Variants in PARK7 observed in about 807,000 individuals in gnomAD.
The protein encoded by PARK7 is Parkinson disease protein 7.
Under a neutral mutation model 20.5 loss-of-function variants are expected in PARK7, and 14 were observed. The ratio of observed to expected loss-of-function variants is 0.68; its 90% CI spans 0.45 to 1.07. The LOEUF is 1.07. Ranked by LOEUF, PARK7 falls within the 50% of genes least tolerant of loss-of-function variation. The pLI is 0.00. For missense variants in PARK7, 234 were observed against 238.1 expected, an observed-to-expected ratio of 0.98 and a Z score of 0.11; for synonymous variants, 98 against 84.3, an observed-to-expected ratio of 1.16 and a Z score of -0.89.
rs1640301603 is a variant in PARK7 at position 7,965,345 on chromosome 1, C to G, written c.112C>G (p.Leu38Val). ...RAGIKVTVAG[L>V]AGKDPVQCSR... ...GTAGATTAAGGTCACCGTTGCAGGC[C>G]TGGCTGGAAAAGACCCAGTACAGTG... is the stretch of plus-strand genomic sequence containing the variant. Residue 38 changes from leucine to valine, a missense_variant, in exon 3 of 7, where the codon CTG becomes GTG. Coordinates refer to ENST00000338639, the MANE Select transcript of PARK7 (RefSeq NM_007262.5). 6.2e-7 allele frequency: 1 copy of G among 1,614,130 alleles called. No homozygotes were observed.
At chr1:7,973,218 ACCACTAG>A (rs777193249) in intron 5 of PARK7, among the ~76,000 whole-genome samples, 8 of 152,208 alleles carry the variant, frequency 5.3e-5, no homozygotes, top group Non-Finnish European at 1.2e-4. Context: ...TACAAGAGTC[ACCACTAG>A]CCTTTTGACC....
chr1:7,975,508 T>A (rs1291817837), intron 5 of PARK7, among the ~76,000 whole-genome samples: 1 of 152,212 alleles, frequency 6.6e-6, no homozygotes, highest in East Asian at 1.9e-4. Context: ...TGCACTGTAG[T>A]GCAGAGTACA....
chr1:7,985,011 A>C lies in PARK7; in HGVS notation c.527A>C (p.Glu176Ala), dbSNP rs1362857277. The change falls in exon 7 of 7, where the codon GAG becomes GCG. Residue 176 changes from glutamate (E) to alanine (A), a missense_variant. Coordinates refer to ENST00000338639, the MANE Select transcript of PARK7 (RefSeq NM_007262.5). Reference protein sequence around the residue: ...LAIVEALNGKEVAAQVKAPLV... With the variant: ...LAIVEALNGKAVAAQVKAPLV... The stretch of plus-strand genomic sequence containing the variant: ...ATTGTTGAAGCCCTGAATGGCAAGG[A>C]GGTGGCGGCTCAAGTGAAGGCTCCA... 6.2e-7 allele frequency: 1 copy of C among 1,614,204 alleles called. No homozygotes were observed. Among genetic ancestry groups the C allele is most frequent in the Non-Finnish European group, 8.5e-7 (1 of 1,180,042 alleles).
At position 7,962,776 on chromosome 1, in the gene PARK7, T is replaced by C; in HGVS notation, c.-10T>C. ...TTTTTTTTTAAGGCTTGTAAACATA[T>C]AACATAAAAATGGCTTCCAAAAGAG... is the stretch of plus-strand genomic sequence containing the variant. On this transcript the variant is annotated 5_prime_UTR_variant, in exon 2 of 7. Transcript: ENST00000338639. The C allele has an allele frequency of 6.9e-7, 1 of 1,442,160 alleles. No homozygotes were observed. The highest frequency in any genetic ancestry group is 9.7e-7 in the Non-Finnish European group (1 of 1,030,578). The allele number at this position is 1,442,160 out of a possible 1,614,324, so 89.3% of individuals were successfully genotyped here. A position where few individuals can be genotyped will look rare whatever the true frequency, so the allele number is the denominator to read the frequency against.
intron 4 of PARK7, among the ~76,000 whole-genome samples, 160 bp from the exon 5 acceptor site, chr1:7,970,734 T>C (rs1354646457): frequency 6.6e-6 from 1 of 152,212 alleles, no homozygotes; most frequent in East Asian, 1.9e-4. Flanking sequence ...TATAGACACA[T>C]TTTGATCATT....
At position 7,970,982 on chromosome 1, in the gene PARK7, C is replaced by T. The variant is rs1256976039; in HGVS notation, c.322+19C>T. The T allele has an allele frequency of 3.7e-6, 6 of 1,613,908 alleles. No homozygotes were observed. The highest frequency in any genetic ancestry group is 4.2e-6 in the Non-Finnish European group (5 of 1,179,900). On this transcript the variant is annotated intron_variant, in intron 5 of 6. Coordinates refer to ENST00000338639, the MANE Select transcript of PARK7 (RefSeq NM_007262.5). ...TGTGCAGGTGACGTGCAGGGGCAGC[C>T]TGTGTTGCAGCGTCATTGGTGGGTG...
intron 5 of PARK7, among the ~76,000 whole-genome samples, chr1:7,976,971 T>C (rs1640595752): frequency 1.3e-5 from 2 of 152,188 alleles, no homozygotes; most frequent in Admixed American, 1.3e-4. Flanking sequence ...CCAGCCGCCT[T>C]GGCCTCCCAA....
At chr1:7,978,996 T>C (rs927438878) in intron 6 of PARK7, among the ~76,000 whole-genome samples, 2 of 152,180 alleles carry the variant, frequency 1.3e-5, no homozygotes, top group Non-Finnish European at 2.9e-5. Context: ...TCTTATGTTA[T>C]CTTTTAACAG....
At chr1:7,969,294 C>A in intron 3 of PARK7, 51 bp from the exon 4 acceptor site, 1 of 1,423,188 alleles carries the variant, frequency 7.0e-7, no homozygotes, top group Non-Finnish European at 9.9e-7. Context: ...CAATTTAATG[C>A]ACAGTTGAAA....
At chr1:7,973,913 AAAAAAAAAAAAATC>A (rs1375446531) in intron 5 of PARK7, among the ~76,000 whole-genome samples, 1 of 149,312 alleles carries the variant, frequency 6.7e-6, no homozygotes, top group East Asian at 2.6e-4. Context: ...GTTTCAAAAA[AAAAAAAAAAAAATC>A]AACCACATTT....
chr1:7,983,961 A>G (rs1483532075), intron 6 of PARK7, among the ~76,000 whole-genome samples: 1 of 152,212 alleles, frequency 6.6e-6, no homozygotes, highest in East Asian at 1.9e-4. Context: ...ATTGTGATAG[A>G]TTGTATCAAT....
Position 7,971,452 on chromosome 1 carries a change from T to C in PARK7, c.322+489T>C, listed in dbSNP as rs936581209. The C allele has an allele frequency of 5.7e-5, 10 of 174,344 alleles. No homozygotes were observed. The South Asian group carries it at 1.3e-3, about 23-fold the overall frequency. 10.8% of individuals were successfully genotyped at this position (174,344 alleles called of 1,614,324 possible). A position where few individuals can be genotyped will look rare whatever the true frequency, so the allele number is the denominator to read the frequency against. ...GCACCGCATTATCTGCCACATAATT[T>C]AGAACAAGGACATTTGGTGCTTCGC... is the stretch of plus-strand genomic sequence containing the variant. On this transcript the variant is annotated intron_variant, in intron 5 of 6. Coordinates refer to ENST00000338639, the MANE Select transcript of PARK7 (RefSeq NM_007262.5).
rs1358053545 is a variant in PARK7, at chr1:7,984,341, C to G, written c.410-553C>G. ...TGGTATTATATTTGCCAAGAAATAG[C>G]CAACCGGCGGGCCTGGAGGTGCGGG... On this transcript the variant is annotated intron_variant, in intron 6 of 6. Transcript: ENST00000338639. The surrounding 1 kb of genome is among the most constrained non-coding windows in gnomAD (Gnocchi z 4.3). 6.6e-6 allele frequency among the ~76,000 whole-genome samples: 1 copy of G among 152,126 alleles called. No individual in the cohort carries two copies. Among genetic ancestry groups the G allele is most frequent in the Admixed American group, 6.5e-5 (1 of 15,270 alleles).
At chr1:7,973,768 C>A (rs1469933811) in intron 5 of PARK7, among the ~76,000 whole-genome samples, 1 of 151,618 alleles carries the variant, frequency 6.6e-6, no homozygotes, top group Admixed American at 6.6e-5. Context: ...ATTAGCAGGG[C>A]ATGGTGGCGC....
chr1:7,964,548 G>A (rs1472825558), intron 2 of PARK7, among the ~76,000 whole-genome samples: 1 of 152,142 alleles, frequency 6.6e-6, no homozygotes, highest in East Asian at 1.9e-4. Context: ...ACGTATTCTT[G>A]TGTAGGTTTC....
chr1:7,981,662 T>TTTG (rs1219260905), intron 6 of PARK7, among the ~76,000 whole-genome samples: 1 of 148,876 alleles, frequency 6.7e-6, no homozygotes, highest in Non-Finnish European at 1.5e-5. Context: ...TGTCTTTTGT[T>TTTG]TTTTTTTTTT....
At chr1:7,973,806 G>C (rs902832735) in intron 5 of PARK7, among the ~76,000 whole-genome samples, 8 of 152,072 alleles carry the variant, frequency 5.3e-5, no homozygotes, top group Non-Finnish European at 8.8e-5. Context: ...TACTTGGGAG[G>C]CTGAGGCAGG....
intron 2 of PARK7, among the ~76,000 whole-genome samples, chr1:7,964,827 T>G (rs946383172): frequency 6.6e-6 from 1 of 152,180 alleles, no homozygotes; most frequent in Non-Finnish European, 1.5e-5. Flanking sequence ...GAGGTTTAAA[T>G]GGCAACAGTA....
At chr1:7,967,933 A>G (rs550755574) in intron 3 of PARK7, among the ~76,000 whole-genome samples, 1 of 152,208 alleles carries the variant, frequency 6.6e-6, no homozygotes, top group South Asian at 2.1e-4. Context: ...AAAAAATTTT[A>G]TAGGTTGCAC....
Sources: gnomAD v4.1 joint callset for allele counts (sites outside exome capture counted in the v4.1 genomes callset) on GRCh38, gnomAD v4.1.1 for gene constraint, Gnocchi (gnomAD v3.1) non-coding constraint, MANE v1.5 for transcripts, NCBI Gene and HGNC (gene_info 2026-07-23, HGNC 2026-07-21) for gene names.